Variants in MYO3A observed in about 807,000 individuals in gnomAD.
The protein encoded by MYO3A is myosin IIIA.
A neutral mutation model predicts 192.7 loss-of-function variants in MYO3A; 180 were observed. That is an observed-to-expected ratio of 0.93 (90% confidence interval 0.83 to 1.06). The LOEUF (loss-of-function observed/expected upper bound fraction) is 1.06. Ranked by LOEUF, MYO3A falls within the 50% of genes least tolerant of loss-of-function variation. The probability of loss-of-function intolerance (pLI) is 0.00; values close to 1 mark genes in which losing one functional copy is unlikely to be tolerated. For synonymous variants in MYO3A, 628 were observed against 645.3 expected (o/e 0.97, Z 0.41); for missense variants, 1,896 against 1,905.0 (o/e 1.00, Z 0.09).
chr10:25,984,559 C>G (rs957674971), intron 4 of MYO3A, among the ~76,000 whole-genome samples: 5 of 152,156 alleles, frequency 3.3e-5, no homozygotes, highest in African/African-American at 7.2e-5. Context: ...TCCAAGCCCC[C>G]CTCCCTTGTC....
At position 26,174,390 on chromosome 10, in the gene MYO3A, C is replaced by T; in HGVS notation, c.4126C>T (p.His1376Tyr). 1 of 1,614,162 alleles carries T rather than the reference C, an allele frequency of 6.2e-7. No individual in the cohort carries two copies. The highest frequency in any genetic ancestry group is 1.3e-5 in the African/African-American group (1 of 75,020). The change falls in exon 30 of 35, where the codon CAT becomes TAT. Residue 1376 changes from histidine (H) to tyrosine (Y), a missense_variant. Transcript: ENST00000642920. ...GAAGGACAAGATGTCTTCTTTTAAG[C>T]ATCAGAGGATTGTCACAACACCAAC... The part of the protein sequence containing the change: ...LRKDKMSSFK[H>Y]QRIVTTPTEV...
intron 2 of MYO3A, among the ~76,000 whole-genome samples, chr10:25,946,836 C>T (rs550689178): frequency 3.7e-4 from 47 of 125,682 alleles, no homozygotes; most frequent in Non-Finnish European, 6.4e-4. Context: ...CAAGATCACA[C>T]GACTGCACTC....
chr10:26,065,598 A>AT, intron 10 of MYO3A, among the ~76,000 whole-genome samples: 1 of 121,202 alleles, frequency 8.3e-6, no homozygotes, highest in Non-Finnish European at 1.9e-5. Context: ...AAAAAAAAAA[A>AT]AAAAAAAAAA....
At chr10:26,100,658 G>A (rs894734064) in intron 17 of MYO3A, among the ~76,000 whole-genome samples, 1 of 152,162 alleles carries the variant, frequency 6.6e-6, no homozygotes, top group African/African-American at 2.4e-5. Context: ...TATGTACCCA[G>A]TAGTCATTCA....
At chr10:25,999,937 T>C (rs565974675) in intron 6 of MYO3A, among the ~76,000 whole-genome samples, 1 of 152,196 alleles carries the variant, frequency 6.6e-6, no homozygotes. Flanking sequence ...TCTTTACTGC[T>C]CCTGCCCTAG....
chr10:26,144,904 A>G (rs1410221026), intron 21 of MYO3A, among the ~76,000 whole-genome samples: 3 of 152,166 alleles, frequency 2.0e-5, no homozygotes, highest in Non-Finnish European at 4.4e-5. Context: ...AGCCAGGTGC[A>G]GTGGCCCACA....
chr10:26,049,082 A>G (rs1212816125), intron 10 of MYO3A, among the ~76,000 whole-genome samples: 2 of 152,234 alleles, frequency 1.3e-5, no homozygotes, highest in Non-Finnish European at 2.9e-5. Context: ...AGTGCTGAAC[A>G]TTCAAGAAAA....
intron 2 of MYO3A, among the ~76,000 whole-genome samples, chr10:25,944,191 A>G (rs748496621): frequency 6.6e-6 from 1 of 151,970 alleles, no homozygotes; most frequent in Non-Finnish European, 1.5e-5. Context: ...TTAATATGGC[A>G]TATTACATTG....
Position 26,174,214 on chromosome 10 carries a change from G to C in MYO3A, c.3950G>C (p.Cys1317Ser). ...GTAGTTACCCAGCGTGCACCGATAT[G>C]CAGCCAGGAGGAAGGCAGAGGCCGT... The part of the protein sequence containing the change: ...TSVVTQRAPI[C>S]SQEEGRGRLR... The change falls in exon 30 of 35, where the codon TGC becomes TCC. Residue 1317 changes from cysteine (C) to serine (S), a missense_variant. By Grantham distance (112) the Cys-to-Ser change is moderately radical. Coordinates refer to ENST00000642920, the MANE Select transcript of MYO3A (RefSeq NM_017433.5). The C allele has an allele frequency of 6.2e-7, 1 of 1,614,214 alleles. No individual in the cohort carries two copies. Among genetic ancestry groups the C allele is most frequent in the African/African-American group, 1.3e-5 (1 of 75,050 alleles).
intron 10 of MYO3A, among the ~76,000 whole-genome samples, chr10:26,033,768 T>A (rs1184818094): frequency 2.6e-5 from 4 of 152,170 alleles, no homozygotes; most frequent in Admixed American, 1.3e-4. Context: ...GGAGGGCTTA[T>A]CCAGGAGGTC....
At chr10:26,093,636 T>C (rs142320600) in intron 15 of MYO3A, among the ~76,000 whole-genome samples, 18 of 152,332 alleles carry the variant, frequency 1.2e-4, no homozygotes, top group African/African-American at 4.1e-4. Flanking sequence ...TCACATTGTA[T>C]ATTTACCAAA....
At chr10:25,953,648 T>C (rs1344546344) in intron 3 of MYO3A, among the ~76,000 whole-genome samples, 2 of 152,132 alleles carry the variant, frequency 1.3e-5, no homozygotes, top group Non-Finnish European at 2.9e-5. Context: ...TTCTCTTCCT[T>C]CTTAATGGAG....
At chr10:25,965,300 C>G (rs1280503319) in intron 4 of MYO3A, among the ~76,000 whole-genome samples, 1 of 152,040 alleles carries the variant, frequency 6.6e-6, no homozygotes, top group Non-Finnish European at 1.5e-5. Flanking sequence ...GGCAGATTCC[C>G]TTATGGCCCA....
intron 10 of MYO3A, among the ~76,000 whole-genome samples, chr10:26,043,783 C>T (rs1313634712): frequency 6.6e-6 from 1 of 152,136 alleles, no homozygotes; most frequent in East Asian, 1.9e-4. Flanking sequence ...AATGGGGACC[C>T]CAAGAGCCCA....
At chr10:26,200,744 G>T (rs1286173557) in intron 32 of MYO3A, 1 of 152,208 alleles carries the variant, frequency 6.6e-6, no homozygotes, top group African/African-American at 2.4e-5. Context: ...TATATCATCT[G>T]TGCTGCTACA....
chr10:26,008,478 T>A (rs937563674), intron 6 of MYO3A, among the ~76,000 whole-genome samples: 17 of 148,008 alleles, frequency 1.1e-4, no homozygotes, highest in Non-Finnish European at 2.2e-4. Flanking sequence ...TTTCGCAACC[T>A]ACTCGTCTGA....
In MYO3A at chr10:26,002,566, GCAGGTAATCGGAATAAGTCAGGGTGGAC is replaced by G. The variant is rs1840896761; in HGVS notation, c.508+5323_508+5350del. On this transcript the variant is annotated intron_variant, in intron 6 of 34. Transcript: ENST00000642920. ...TGGCAGGAAAAATGGTTATGACCGA[GCAGGTAATCGGAATAAGTCAGGGTGGAC>G]CAGGTAATCGGAATGAGTCAGGGTG... Among the ~76,000 whole-genome samples the G allele has an allele frequency of 4.6e-5, 6 of 130,764 alleles. 1 individual carries two copies. Among genetic ancestry groups the G allele is most frequent in the African/African-American group, 1.4e-4 (4 of 28,274 alleles). 85.8% of individuals were successfully genotyped at this position (130,764 alleles called of 152,430 possible).
At chr10:26,199,361 TG>T (rs1843569176) in intron 32 of MYO3A, among the ~76,000 whole-genome samples, 1 of 152,058 alleles carries the variant, frequency 6.6e-6, no homozygotes, top group Non-Finnish European at 1.5e-5. Context: ...GAGACCAGCC[TG>T]GGGAACATAG....
At chr10:25,993,883 T>A (rs562973174) in intron 4 of MYO3A, among the ~76,000 whole-genome samples, 1 of 152,336 alleles carries the variant, frequency 6.6e-6, no homozygotes, top group South Asian at 2.1e-4. Context: ...AGAGACAGTT[T>A]GTTATTATTT....
Sources: allele counts gnomAD v4.1 joint callset (sites outside exome capture counted in the v4.1 genomes callset), GRCh38; gene constraint gnomAD v4.1.1; transcripts MANE v1.5; gene names NCBI Gene and HGNC (gene_info 2026-07-23, HGNC 2026-07-21).